Variants in PACRG observed in about 807,000 individuals in gnomAD.
PACRG encodes parkin coregulated gene protein.
Under a neutral mutation model 29.7 loss-of-function variants are expected in PACRG, and 29 were observed. The ratio of observed to expected loss-of-function variants is 0.98; its 90% CI spans 0.73 to 1.33. The LOEUF (loss-of-function observed/expected upper bound fraction) is 1.33. PACRG is among the 40% of genes most tolerant of loss of function. The probability of loss-of-function intolerance (pLI) is 0.00; values close to 1 mark genes in which losing one functional copy is unlikely to be tolerated. For synonymous variants in PACRG, 116 were observed against 118.7 expected (o/e 0.98, Z 0.15); for missense variants, 279 against 316.2 (o/e 0.88, Z 0.89).
At chr6:162,950,358 A>AG (rs1799554460) in intron 2 of PACRG, among the ~76,000 whole-genome samples, 1 of 152,054 alleles carries the variant, frequency 6.6e-6, no homozygotes, top group Non-Finnish European at 1.5e-5. Flanking sequence ...GAAAAAAAAA[A>AG]TTAGCCGGGC....
chr6:162,867,977 G>T (rs1792443090), intron 2 of PACRG, among the ~76,000 whole-genome samples: 1 of 152,324 alleles, frequency 6.6e-6, no homozygotes, highest in South Asian at 2.1e-4. Flanking sequence ...ATCAATAAAA[G>T]GGAGAGAAGA....
At chr6:162,751,478 T>C (rs1348668138) in intron 1 of PACRG, among the ~76,000 whole-genome samples, 4 of 150,412 alleles carry the variant, frequency 2.7e-5, no homozygotes, top group African/African-American at 1.0e-4. Flanking sequence ...AGTTCTGAAA[T>C]CTTTTTTTTT....
chr6:163,059,168 A>T (rs1430150420), intron 2 of PACRG, among the ~76,000 whole-genome samples: 1 of 151,778 alleles, frequency 6.6e-6, no homozygotes, highest in Non-Finnish European at 1.5e-5. Flanking sequence ...ATCTTGGAGG[A>T]TATGAAGATG....
chr6:162,864,711 T>G (rs1175714439), intron 2 of PACRG, among the ~76,000 whole-genome samples: 1 of 152,222 alleles, frequency 6.6e-6, no homozygotes, highest in Non-Finnish European at 1.5e-5. Flanking sequence ...GTGTTGACAT[T>G]TAACTCCAAG....
At chr6:163,282,639 G>T (rs975317573) in intron 4 of PACRG, among the ~76,000 whole-genome samples, 1 of 151,476 alleles carries the variant, frequency 6.6e-6, no homozygotes, top group Non-Finnish European at 1.5e-5. Flanking sequence ...TTGAAACTGG[G>T]AGGTGGAGGT....
chr6:162,911,241 A>C (rs1234138565), intron 2 of PACRG, among the ~76,000 whole-genome samples: 1 of 152,210 alleles, frequency 6.6e-6, no homozygotes, highest in African/African-American at 2.4e-5. Flanking sequence ...AAGCACAATA[A>C]ATTGTGCTCT....
In PACRG at chr6:163,313,222, C is replaced by T. The variant is rs77779901; in HGVS notation, c.614-1605C>T. Among the ~76,000 whole-genome samples, 444 of 152,028 alleles carry T rather than the reference C, an allele frequency of 2.9e-3. 3 individuals carry two copies. The highest frequency in any genetic ancestry group is 4.0e-3 in the Non-Finnish European group (270 of 68,000). On this transcript the variant is annotated intron_variant, in intron 4 of 4. Transcript: ENST00000366888. The stretch of plus-strand genomic sequence containing the variant: ...CACATGTACTATGAGGAACGAAAAA[C>T]CCACCTAATCACAATGGCTTTGTGA...
intron 4 of PACRG, among the ~76,000 whole-genome samples, chr6:163,128,860 C>A (rs1281880304): frequency 6.6e-6 from 1 of 152,170 alleles, no homozygotes; most frequent in African/African-American, 2.4e-5. Context: ...GTAACTGCTC[C>A]TTACATATAT....
intron 2 of PACRG, among the ~76,000 whole-genome samples, chr6:163,001,232 A>T (rs575309052): frequency 4.5e-4 from 68 of 152,342 alleles, no homozygotes; most frequent in African/African-American, 1.6e-3. Flanking sequence ...TGAAATCTGA[A>T]CAAGGAGGAA....
intron 4 of PACRG, among the ~76,000 whole-genome samples, chr6:163,235,634 G>T (rs1427764445): frequency 6.6e-6 from 1 of 152,158 alleles, no homozygotes; most frequent in Non-Finnish European, 1.5e-5. Context: ...CAGCTTGCCA[G>T]CACCTAAGAG....
chr6:162,870,082 G>A (rs891635028), intron 2 of PACRG, among the ~76,000 whole-genome samples: 2 of 152,212 alleles, frequency 1.3e-5, no homozygotes, highest in Admixed American at 6.5e-5. Context: ...ATGGAATGGA[G>A]ACATTCCTGG....
chr6:162,876,979 C>T (rs1305944647), intron 2 of PACRG, among the ~76,000 whole-genome samples: 2 of 152,198 alleles, frequency 1.3e-5, no homozygotes, highest in Non-Finnish European at 2.9e-5. Flanking sequence ...CACTTTTACA[C>T]TGTTGGTGGG....
At chr6:163,223,717 T>C (rs940440611) in intron 4 of PACRG, among the ~76,000 whole-genome samples, 1 of 152,228 alleles carries the variant, frequency 6.6e-6, no homozygotes, top group African/African-American at 2.4e-5. Context: ...TTTTGCTGGC[T>C]TTAGCATGTG....
chr6:162,759,551 T>G (rs1229924912), intron 1 of PACRG, among the ~76,000 whole-genome samples: 1 of 152,242 alleles, frequency 6.6e-6, no homozygotes, highest in East Asian at 1.9e-4. Flanking sequence ...TACTCCATTA[T>G]TTCATTTTCT....
chr6:163,196,975 GGACA>G (rs1298256778), intron 4 of PACRG, among the ~76,000 whole-genome samples: 1 of 148,124 alleles, frequency 6.8e-6, no homozygotes, highest in Admixed American at 6.7e-5. Flanking sequence ...AGATAGAGGC[GGACA>G]GACAGCTTGG....
intron 2 of PACRG, among the ~76,000 whole-genome samples, chr6:162,958,155 G>C (rs1800209370): frequency 6.6e-6 from 1 of 152,178 alleles, no homozygotes; most frequent in Non-Finnish European, 1.5e-5. Flanking sequence ...AATTAGACCA[G>C]TGTGGCTTAT....
chr6:162,784,829 G>C (rs1458777628), intron 1 of PACRG, among the ~76,000 whole-genome samples: 1 of 152,152 alleles, frequency 6.6e-6, no homozygotes, highest in East Asian at 1.9e-4. Context: ...GCTACTCTTG[G>C]TGCTTTCAGC....
rs555282509 is a variant in PACRG, at chr6:162,778,908, G to A, written c.157-35239G>A. On this transcript the variant is annotated intron_variant, in intron 1 of 4. Coordinates refer to ENST00000366888, the MANE Select transcript of PACRG (RefSeq NM_001080379.2). ...TTATTTTAAGTTCTGGGGTACATGCGCAGGATGTGCAGGTTTGTTTCATAG... is the reference window on the plus strand; with the variant it reads ...TTATTTTAAGTTCTGGGGTACATGCACAGGATGTGCAGGTTTGTTTCATAG... Among the ~76,000 whole-genome samples the A allele has an allele frequency of 4.6e-5, 7 of 152,272 alleles. No individual in the cohort carries two copies. In the South Asian group the frequency reaches 8.3e-4, roughly 18 times the overall value.
chr6:162,867,515 CCTCTGTATTATGCAGAGCAAGGGGA>C (rs1246342341), intron 2 of PACRG, among the ~76,000 whole-genome samples: 1 of 152,122 alleles, frequency 6.6e-6, no homozygotes, highest in Non-Finnish European at 1.5e-5. Flanking sequence ...GCTTCAGGTT[CCTCTGTATTATGCAGAGCAAGGGGA>C]CTCTCCTCTC....
Sources: allele counts gnomAD v4.1 joint callset (sites outside exome capture counted in the v4.1 genomes callset), GRCh38; gene constraint gnomAD v4.1.1; transcripts MANE v1.5; gene names NCBI Gene and HGNC (gene_info 2026-07-23, HGNC 2026-07-21).